NGLY1: variants seen among roughly 807,000 people sequenced by gnomAD.
The protein encoded by NGLY1 is N-glycanase 1.
NGLY1 carries 68 observed loss-of-function variants against 84.6 expected under a neutral mutation model. That is an observed-to-expected ratio of 0.80 (90% confidence interval 0.66 to 0.98). The LOEUF (loss-of-function observed/expected upper bound fraction) is 0.98. Among genes scored for constraint, NGLY1 ranks in the 50% least tolerant of loss-of-function variants. The pLI is 0.00. For missense variants in NGLY1, 779 were observed against 770.2 expected, an observed-to-expected ratio of 1.01 and a Z score of -0.14; for synonymous variants, 280 against 275.2, an observed-to-expected ratio of 1.02 and a Z score of -0.17.
At chr3:25,733,540 A>G (rs544985190) in intron 8 of NGLY1, among the ~76,000 whole-genome samples, 1 of 150,044 alleles carries the variant, frequency 6.7e-6, no homozygotes, top group East Asian at 2.0e-4. Flanking sequence ...ATACATAAAT[A>G]TGAGTCTGTG....
intron 2 of NGLY1, among the ~76,000 whole-genome samples, chr3:25,768,067 C>T (rs1419328133): frequency 7.3e-6 from 1 of 137,394 alleles, no homozygotes; most frequent in Non-Finnish European, 1.5e-5. Flanking sequence ...GAGCCAGGAT[C>T]GCACCACTAC....
intron 10 of NGLY1, among the ~76,000 whole-genome samples, chr3:25,726,075 C>G (rs559724893): frequency 9.2e-5 from 14 of 152,018 alleles, no homozygotes; most frequent in Middle Eastern, 6.8e-3. Flanking sequence ...CGCCCCCTCA[C>G]CCCGCCAAAA....
chr3:25,734,214 C>A, intron 7 of NGLY1: 1 of 381,376 alleles, frequency 2.6e-6, no homozygotes, highest in Non-Finnish European at 4.7e-6. Flanking sequence ...TATAGGCATG[C>A]ACCATCACGC....
At chr3:25,773,005 T>A (rs1707971725) in intron 2 of NGLY1, among the ~76,000 whole-genome samples, 2 of 152,232 alleles carry the variant, frequency 1.3e-5, no homozygotes, top group Non-Finnish European at 2.9e-5. Flanking sequence ...CTGCTGTTAA[T>A]CTGATAGGTG....
intron 10 of NGLY1, among the ~76,000 whole-genome samples, chr3:25,728,480 G>A (rs561253016): frequency 5.3e-5 from 8 of 152,114 alleles, no homozygotes; most frequent in Non-Finnish European, 1.2e-4. Flanking sequence ...ATAGCTTTAA[G>A]TTTATTTTGG....
intron 8 of NGLY1, 67 bp downstream of exon 8, chr3:25,733,805 T>C: frequency 1.0e-6 from 1 of 990,334 alleles, no homozygotes. Context: ...AATAGGCTAA[T>C]AAACGGCTAT....
At position 25,770,753 on chromosome 3, in the gene NGLY1, T is replaced by C. The variant is rs1207740139; in HGVS notation, c.247-6442A>G. Among the ~76,000 whole-genome samples the C allele has an allele frequency of 2.0e-5, 3 of 152,332 alleles. No homozygotes were observed. The East Asian group carries it at 5.8e-4, about 29-fold the overall frequency. On this transcript the variant is annotated intron_variant, in intron 2 of 11. Coordinates refer to ENST00000280700, the MANE Select transcript of NGLY1 (RefSeq NM_018297.4). The stretch of plus-strand genomic sequence containing the variant: ...TTGATTCTTTAATTATGGCCATTCT[T>C]GCAGCAGTAAGGTGTTGTCACACTG...
chr3:25,731,831 T>C (rs1705554395), intron 9 of NGLY1, among the ~76,000 whole-genome samples: 1 of 152,136 alleles, frequency 6.6e-6, no homozygotes, highest in Admixed American at 6.6e-5. Context: ...ACATGCTATA[T>C]GATTCCATTT....
In NGLY1 at chr3:25,778,916, A is replaced by G. The variant is rs554299998; in HGVS notation, c.132-228T>C. 2.0e-3 allele frequency among the ~76,000 whole-genome samples: 267 copies of G among 135,702 alleles called. 2 individuals carry two copies. Among genetic ancestry groups the G allele is most frequent in the African/African-American group, 6.7e-3 (254 of 38,162 alleles). The allele number at this position is 135,702 out of a possible 152,430, so 89.0% of individuals were successfully genotyped here. A position where few individuals can be genotyped will look rare whatever the true frequency, so the allele number is the denominator to read the frequency against. ...ATGGGGGGGGTCTCGCTTCAGTTTA[A>G]GATACATTCTTTTTTTTTTTTTTTT... On this transcript the variant is annotated intron_variant, in intron 1 of 11. Coordinates refer to ENST00000280700, the MANE Select transcript of NGLY1 (RefSeq NM_018297.4).
At chr3:25,744,060 C>T (rs955144646) in intron 4 of NGLY1, among the ~76,000 whole-genome samples, 4 of 152,064 alleles carry the variant, frequency 2.6e-5, no homozygotes, top group Non-Finnish European at 5.9e-5. Flanking sequence ...TTCAAAAATA[C>T]CATATAAACG....
intron 10 of NGLY1, among the ~76,000 whole-genome samples, chr3:25,723,781 T>C (rs1225543692): frequency 1.3e-5 from 2 of 152,226 alleles, no homozygotes; most frequent in African/African-American, 4.8e-5. Flanking sequence ...GTGTGCATTC[T>C]GTAAGCTCGG....
intron 2 of NGLY1, among the ~76,000 whole-genome samples, chr3:25,775,768 T>C (rs949030629): frequency 6.6e-6 from 1 of 152,168 alleles, no homozygotes; most frequent in African/African-American, 2.4e-5. Flanking sequence ...AGGAATAATT[T>C]CTCATGTTCT....
At chr3:25,746,578 A>T (rs999446249) in intron 4 of NGLY1, among the ~76,000 whole-genome samples, 4 of 152,224 alleles carry the variant, frequency 2.6e-5, no homozygotes, top group African/African-American at 9.6e-5. Context: ...ATGGACTTTA[A>T]GTCTTAGCTA....
chr3:25,741,461 T>C (rs1252576384), intron 4 of NGLY1, among the ~76,000 whole-genome samples: 4 of 151,994 alleles, frequency 2.6e-5, no homozygotes, highest in African/African-American at 7.2e-5. Context: ...ATCCCTACTA[T>C]AGTTCATTAA....
At chr3:25,788,393 T>G (rs28587163), upstream of NGLY1, among the ~76,000 whole-genome samples, 1 of 152,116 alleles carries the variant, frequency 6.6e-6, no homozygotes, top group African/African-American at 2.4e-5. Flanking sequence ...CAGAGCCCAT[T>G]TGAAGATTTT....
chr3:25,788,536 G>T (rs1005313612), intron 1 of NGLY1, among the ~76,000 whole-genome samples: 2 of 152,154 alleles, frequency 1.3e-5, no homozygotes, highest in Non-Finnish European at 2.9e-5. Context: ...AAAAATGATG[G>T]TCTTTTTATT....
intron 2 of NGLY1, among the ~76,000 whole-genome samples, chr3:25,770,297 C>G (rs916394019): frequency 6.6e-6 from 1 of 152,084 alleles, no homozygotes; most frequent in Non-Finnish European, 1.5e-5. Flanking sequence ...TACAAGTGCC[C>G]GCCACCATGC....
intron 2 of NGLY1, among the ~76,000 whole-genome samples, chr3:25,765,638 T>C (rs1221785229): frequency 6.6e-6 from 1 of 152,148 alleles, no homozygotes; most frequent in Non-Finnish European, 1.5e-5. Context: ...GAATCCTTTT[T>C]AAAAAGCTGG....
At position 25,763,280 on chromosome 3, in the gene NGLY1, A is replaced by T. The variant is rs146843320; in HGVS notation, c.492+786T>A. Reference sequence around the variant, plus strand: ...TTGCAAGCTTTTTTGCAGATTGGTTAACTATGTGCATTTTAAACTATAATA... The same window carrying T: ...TTGCAAGCTTTTTTGCAGATTGGTTTACTATGTGCATTTTAAACTATAATA... On this transcript the variant is annotated intron_variant, in intron 3 of 11. Transcript: ENST00000280700. Among the ~76,000 whole-genome samples, 931 of 152,376 alleles carry T rather than the reference A, an allele frequency of 6.1e-3. 8 individuals are homozygous for T. Among genetic ancestry groups the T allele is most frequent in the Non-Finnish European group, 9.9e-3 (675 of 68,032 alleles).
Sources: gnomAD v4.1 joint callset for allele counts (sites outside exome capture counted in the v4.1 genomes callset) on GRCh38, gnomAD v4.1.1 for gene constraint, MANE v1.5 for transcripts, NCBI Gene and HGNC (gene_info 2026-07-23, HGNC 2026-07-21) for gene names.